WDR70: variants seen among roughly 807,000 people sequenced by gnomAD.
WDR70 encodes WD repeat domain 70.
Under a neutral mutation model 88.6 loss-of-function variants are expected in WDR70, and 53 were observed. The ratio of observed to expected loss-of-function variants is 0.60; its 90% confidence interval spans 0.48 to 0.75. The LOEUF (loss-of-function observed/expected upper bound fraction) is 0.75, where lower values mean the gene tolerates loss of function less well. Among genes scored for constraint, WDR70 ranks in the 30% least tolerant of loss-of-function variants. The pLI is 0.00. For synonymous variants in WDR70, 280 were observed against 270.0 expected, an observed-to-expected ratio of 1.04 and a Z score of -0.36; for missense variants, 610 against 823.2, an observed-to-expected ratio of 0.74 and a Z score of 3.17.
chr5:37,731,765 C>T (rs1479219144), intron 17 of WDR70, among the ~76,000 whole-genome samples: 2 of 152,180 alleles, frequency 1.3e-5, no homozygotes, highest in African/African-American at 4.8e-5. Context: ...TTCAAAAATA[C>T]TGATATAAAT....
intron 9 of WDR70, among the ~76,000 whole-genome samples, chr5:37,584,286 T>A (rs1335393345): frequency 2.0e-5 from 3 of 152,200 alleles, no homozygotes; most frequent in African/African-American, 7.2e-5. Context: ...GTATTCTGAA[T>A]TCATTATCAA....
intron 7 of WDR70, among the ~76,000 whole-genome samples, chr5:37,473,298 A>G (rs1250218542): frequency 6.7e-6 from 1 of 149,754 alleles, no homozygotes; most frequent in African/African-American, 2.5e-5. Context: ...AATCCTTTGC[A>G]TTACAAATAT....
intron 9 of WDR70, among the ~76,000 whole-genome samples, chr5:37,576,651 C>T (rs938402761): frequency 2.0e-5 from 3 of 152,028 alleles, no homozygotes; most frequent in African/African-American, 7.2e-5. Flanking sequence ...TCTTACCCTC[C>T]AGTGTATCTA....
intron 6 of WDR70, among the ~76,000 whole-genome samples, chr5:37,441,361 A>G (rs1750647480): frequency 1.3e-5 from 2 of 152,164 alleles, no homozygotes; most frequent in South Asian, 4.1e-4. Flanking sequence ...TAACATAAGT[A>G]TTATTATTTA....
chr5:37,714,221 A>G (rs191214554), intron 13 of WDR70, among the ~76,000 whole-genome samples: 117 of 152,330 alleles, frequency 7.7e-4, no homozygotes, highest in African/African-American at 2.7e-3. Flanking sequence ...CTGATTACAT[A>G]TATTTCTTAT....
chr5:37,690,840 A>C (rs1746770262), intron 10 of WDR70, among the ~76,000 whole-genome samples: 1 of 152,190 alleles, frequency 6.6e-6, no homozygotes, highest in African/African-American at 2.4e-5. Flanking sequence ...TAATGACAGG[A>C]TCAATAATGA....
intron 8 of WDR70, among the ~76,000 whole-genome samples, chr5:37,499,492 A>T (rs1443730611): frequency 5.3e-5 from 8 of 150,656 alleles, no homozygotes; most frequent in Non-Finnish European, 1.2e-4. Flanking sequence ...GGAAGAGAGA[A>T]GTGTTCATTT....
intron 17 of WDR70, among the ~76,000 whole-genome samples, chr5:37,732,868 G>A (rs1748190648): frequency 2.0e-5 from 3 of 151,942 alleles, no homozygotes; most frequent in Non-Finnish European, 4.4e-5. Context: ...AATGGGGTGA[G>A]GGGTGCACTT....
At chr5:37,422,372 A>G (rs1176303283) in intron 5 of WDR70, among the ~76,000 whole-genome samples, 2 of 151,384 alleles carry the variant, frequency 1.3e-5, no homozygotes, top group African/African-American at 2.4e-5. Context: ...GACTTATGCA[A>G]TCTCCACTTC....
chr5:37,445,541 T>C (rs948104581), intron 7 of WDR70, among the ~76,000 whole-genome samples: 1 of 152,162 alleles, frequency 6.6e-6, no homozygotes, highest in Non-Finnish European at 1.5e-5. Context: ...AAATCCTCAA[T>C]AAAATACTGG....
intron 14 of WDR70, 153 bp downstream of exon 14, chr5:37,721,368 T>C (rs1747810927): frequency 6.2e-6 from 4 of 649,412 alleles, no homozygotes; most frequent in Non-Finnish European, 1.1e-5. Context: ...AAACTCCTGG[T>C]ATTGTGCTTT....
intron 7 of WDR70, chr5:37,479,390 A>G (rs78302696): frequency 0.015 from 2,204 of 144,960 alleles, 52 homozygotes; most frequent in African/African-American, 0.054. Flanking sequence ...TTTTCTGGTG[A>G]CAGAGTTTTG....
chr5:37,390,029 G>A (rs1748762111), intron 3 of WDR70, among the ~76,000 whole-genome samples: 1 of 152,050 alleles, frequency 6.6e-6, no homozygotes, highest in South Asian at 2.1e-4. Flanking sequence ...AACTTGGATT[G>A]TATTGTATTT....
intron 10 of WDR70, among the ~76,000 whole-genome samples, chr5:37,674,858 A>G (rs2112601601): frequency 6.6e-6 from 1 of 151,782 alleles, no homozygotes. Context: ...AACAGTGTAA[A>G]AGTGTTCCTA....
chr5:37,561,532 T>A (rs1742502611), intron 9 of WDR70, among the ~76,000 whole-genome samples: 1 of 152,150 alleles, frequency 6.6e-6, no homozygotes, highest in South Asian at 2.1e-4. Flanking sequence ...GGTGGGGAAA[T>A]GGAGTGATAG....
Position 37,412,900 on chromosome 5 carries a change from A to G in WDR70, c.492+16330A>G, listed in dbSNP as rs145773225. 3.9e-5 allele frequency among the ~76,000 whole-genome samples: 6 copies of G among 152,354 alleles called. No homozygotes were observed. In the East Asian group the frequency reaches 1.2e-3, roughly 29 times the overall value. On this transcript the variant is annotated intron_variant, in intron 5 of 17. Coordinates refer to ENST00000265107, the MANE Select transcript of WDR70 (RefSeq NM_018034.4). ...CATGTAAACACGCAACATAGGACTC[A>G]TACTAGGCACTCAGAATGGCTGGGT...
At chr5:37,526,739 G>A (rs960630252) in intron 9 of WDR70, among the ~76,000 whole-genome samples, 2 of 152,096 alleles carry the variant, frequency 1.3e-5, no homozygotes, top group African/African-American at 2.4e-5. Flanking sequence ...AAACCCCATC[G>A]TCTCAGCCCC....
intron 10 of WDR70, among the ~76,000 whole-genome samples, chr5:37,650,157 G>C (rs1250034264): frequency 6.6e-6 from 1 of 150,802 alleles, no homozygotes; most frequent in East Asian, 2.0e-4. Flanking sequence ...CAGCACTTTG[G>C]GAGGCCAAGG....
chr5:37,590,874 A>C (rs542020042), intron 9 of WDR70, among the ~76,000 whole-genome samples: 1 of 152,322 alleles, frequency 6.6e-6, no homozygotes, highest in African/African-American at 2.4e-5. Flanking sequence ...AGACCCAAAA[A>C]ACCAAAACAG....
Sources: allele counts gnomAD v4.1 joint callset (sites outside exome capture counted in the v4.1 genomes callset), GRCh38; gene constraint gnomAD v4.1.1; transcripts MANE v1.5; gene names NCBI Gene and HGNC (gene_info 2026-07-23, HGNC 2026-07-21).